The following CTIF variants were observed in gnomAD, a reference collection of about 807,000 sequenced individuals.
CTIF encodes cap binding complex dependent translation initiation factor.
Under a neutral mutation model 66.0 loss-of-function variants are expected in CTIF, and 21 were observed. That is an observed-to-expected ratio of 0.32 (90% CI 0.23 to 0.46). The LOEUF (loss-of-function observed/expected upper bound fraction) is 0.46. Among genes scored for constraint, CTIF ranks in the 20% least tolerant of loss-of-function variants. CTIF has a pLI of 1.00. For synonymous variants in CTIF, 345 were observed against 326.4 expected, an observed-to-expected ratio of 1.06 and a Z score of -0.62; for missense variants, 739 against 812.7, an observed-to-expected ratio of 0.91 and a Z score of 1.10.
intron 9 of CTIF, among the ~76,000 whole-genome samples, chr18:48,786,467 G>A (rs1033347547): frequency 6.6e-6 from 1 of 152,196 alleles, no homozygotes; most frequent in Admixed American, 6.5e-5. Context: ...CTTTCTGTAT[G>A]TCAGTTTCTT....
chr18:48,839,420 C>T (rs2146527902), intron 10 of CTIF, among the ~76,000 whole-genome samples: 1 of 152,212 alleles, frequency 6.6e-6, no homozygotes, highest in East Asian at 1.9e-4. Flanking sequence ...TACACTGTGC[C>T]ACTTGCAGCC....
At chr18:48,742,515 C>G (rs527368243) in intron 7 of CTIF, among the ~76,000 whole-genome samples, 2 of 152,254 alleles carry the variant, frequency 1.3e-5, no homozygotes, top group African/African-American at 4.8e-5. Context: ...TTGGTTCACA[C>G]GCAGACAGCG....
At chr18:48,666,304 C>G (rs891995901) in intron 5 of CTIF, among the ~76,000 whole-genome samples, 1 of 152,208 alleles carries the variant, frequency 6.6e-6, no homozygotes, top group Admixed American at 6.5e-5. Flanking sequence ...CCCACTCAAC[C>G]TCTCCTCTTG....
At chr18:48,677,374 T>C (rs2091648611) in intron 6 of CTIF, among the ~76,000 whole-genome samples, 1 of 152,194 alleles carries the variant, frequency 6.6e-6, no homozygotes, top group South Asian at 2.1e-4. Flanking sequence ...CATTATGGAC[T>C]GAGTTTAAGT....
intron 6 of CTIF, among the ~76,000 whole-genome samples, chr18:48,699,151 C>T (rs2092048175): frequency 1.3e-5 from 2 of 151,402 alleles, no homozygotes; most frequent in South Asian, 4.2e-4. Context: ...TGGTGCCCGA[C>T]GGCCCCAGCA....
At chr18:48,677,007 G>A (rs935383465) in intron 6 of CTIF, among the ~76,000 whole-genome samples, 10 of 152,060 alleles carry the variant, frequency 6.6e-5, no homozygotes, top group African/African-American at 2.2e-4. Context: ...GCGGGAGGCC[G>A]GGGCCGCGGC....
chr18:48,765,116 C>A (rs1394803282), intron 9 of CTIF, among the ~76,000 whole-genome samples: 1 of 152,238 alleles, frequency 6.6e-6, no homozygotes, highest in African/African-American at 2.4e-5. Context: ...AAGCGATGGG[C>A]TGGGCTCAGC....
chr18:48,633,999 G>A (rs915543336), intron 2 of CTIF, among the ~76,000 whole-genome samples: 9 of 152,122 alleles, frequency 5.9e-5, no homozygotes, highest in Admixed American at 4.6e-4. Flanking sequence ...GTTGTTCCAC[G>A]AACGTCCTTT....
chr18:48,649,766 G>A (rs1418928313), intron 3 of CTIF, among the ~76,000 whole-genome samples: 1 of 152,180 alleles, frequency 6.6e-6, no homozygotes, highest in Admixed American at 6.5e-5. Context: ...GGAATGATCA[G>A]GCAGCAGTAT....
chr18:48,830,247 C>T (rs184175584), intron 10 of CTIF, among the ~76,000 whole-genome samples: 96 of 152,332 alleles, frequency 6.3e-4, no homozygotes, highest in African/African-American at 2.1e-3. Flanking sequence ...TCACTACAAC[C>T]TCCGCCTGCC....
Position 48,857,654 on chromosome 18 carries a change from G to A in CTIF, c.1581+13G>A, listed in dbSNP as rs181150148. The A allele has an allele frequency of 6.3e-7, 1 of 1,599,740 alleles. No homozygotes were observed. The highest frequency in any genetic ancestry group is 8.5e-7 in the Non-Finnish European group (1 of 1,173,000). Reference sequence around the variant, plus strand: ...CTGCTCTATGGAGGTAAGCTTTGGGGCTTCGACATCCCCAACCTCAAAGCC... The same window carrying A: ...CTGCTCTATGGAGGTAAGCTTTGGGACTTCGACATCCCCAACCTCAAAGCC... On this transcript the variant is annotated intron_variant, in intron 11 of 11. Transcript: ENST00000256413.
intron 1 of CTIF, among the ~76,000 whole-genome samples, chr18:48,619,047 A>G (rs1031718735): frequency 1.3e-5 from 2 of 152,186 alleles, no homozygotes; most frequent in Non-Finnish European, 2.9e-5. Flanking sequence ...GACTGAAAAG[A>G]AAAAGTCTCC....
At chr18:48,748,915 C>G (rs1245449471) in intron 7 of CTIF, among the ~76,000 whole-genome samples, 1 of 152,226 alleles carries the variant, frequency 6.6e-6, no homozygotes, top group Non-Finnish European at 1.5e-5. Context: ...CGGGGCAGCC[C>G]TCCCCATGAG....
chr18:48,826,235 T>C (rs2068579815), intron 10 of CTIF: 1 of 152,234 alleles, frequency 6.6e-6, no homozygotes, highest in African/African-American at 2.4e-5. Flanking sequence ...TGTCAGTTTG[T>C]GTGTTGCTGT....
At chr18:48,758,496 G>C in intron 8 of CTIF, 91 bp downstream of exon 8, 1 of 1,468,044 alleles carries the variant, frequency 6.8e-7, no homozygotes, top group Non-Finnish European at 9.1e-7. Flanking sequence ...GCAGAGCCTT[G>C]TGGGTTTGAG....
rs538166525 is a variant in CTIF, at chr18:48,546,083, T to A, written c.-29+6771T>A. Among the ~76,000 whole-genome samples, 187 of 152,300 alleles carry A rather than the reference T, an allele frequency of 1.2e-3. 1 individual carries two copies. Among genetic ancestry groups the A allele is most frequent in the African/African-American group, 4.3e-3 (180 of 41,566 alleles). On this transcript the variant is annotated intron_variant, in intron 1 of 11. Coordinates refer to ENST00000256413, the MANE Select transcript of CTIF (RefSeq NM_014772.3). ...TACAGAGTGGGGAAGCCCTGGAACC[T>A]GCTTCCAGGAGCAGGTAGTTTTGTT...
chr18:48,679,166 G>T (rs1382437982), intron 6 of CTIF, among the ~76,000 whole-genome samples: 2 of 152,208 alleles, frequency 1.3e-5, no homozygotes, highest in African/African-American at 2.4e-5. Flanking sequence ...AGTCATCCAA[G>T]AGCCCTTCTG....
intron 10 of CTIF, among the ~76,000 whole-genome samples, chr18:48,820,862 C>T (rs571095696): frequency 1.9e-4 from 29 of 152,368 alleles, no homozygotes; most frequent in South Asian, 8.3e-4. Flanking sequence ...TCCTCACCAT[C>T]CAGCCCGTCT....
intron 1 of CTIF, among the ~76,000 whole-genome samples, chr18:48,581,664 C>T (rs528944881): frequency 6.6e-5 from 10 of 152,144 alleles, no homozygotes; most frequent in Non-Finnish European, 1.3e-4. Context: ...GCCAGTGACC[C>T]CTTCCACCTC....
Sources: allele counts gnomAD v4.1 joint callset (sites outside exome capture counted in the v4.1 genomes callset), GRCh38; gene constraint gnomAD v4.1.1; transcripts MANE v1.5; gene names NCBI Gene and HGNC (gene_info 2026-07-23, HGNC 2026-07-21).